Variants in SENP6 observed in about 807,000 individuals in gnomAD.
The protein encoded by SENP6 is sentrin-specific protease 6.
SENP6 carries 41 observed loss-of-function variants against 134.5 expected under a neutral mutation model. That is an observed-to-expected ratio of 0.30 (90% CI 0.24 to 0.40). SENP6 has a LOEUF of 0.40. Ranked by LOEUF, SENP6 falls within the 10% of genes least tolerant of loss-of-function variation. The probability of loss-of-function intolerance (pLI) is 1.00; values close to 1 mark genes in which losing one functional copy is unlikely to be tolerated. For synonymous variants in SENP6, 395 were observed against 429.8 expected, an observed-to-expected ratio of 0.92 and a Z score of 1.00; for missense variants, 1,248 against 1,312.5, an observed-to-expected ratio of 0.95 and a Z score of 0.76.
At chr6:75,664,237 G>A (rs1772014658) in intron 9 of SENP6, among the ~76,000 whole-genome samples, 1 of 151,154 alleles carries the variant, frequency 6.6e-6, no homozygotes, top group Non-Finnish European at 1.5e-5. Context: ...TGTAGCCAGG[G>A]CAATATAGTA....
chr6:75,655,335 A>G (rs1024162994), intron 7 of SENP6: 3 of 152,258 alleles, frequency 2.0e-5, no homozygotes, highest in African/African-American at 7.2e-5. Context: ...AATGAAATAC[A>G]TAAATCTTAA....
intron 16 of SENP6, among the ~76,000 whole-genome samples, chr6:75,684,868 T>C (rs1348051967): frequency 6.6e-6 from 1 of 152,182 alleles, no homozygotes; most frequent in Admixed American, 6.5e-5. Flanking sequence ...TCTTTTTTTG[T>C]TGTGTGTCTC....
intron 1 of SENP6, among the ~76,000 whole-genome samples, chr6:75,616,032 C>G (rs572946542): frequency 1.3e-4 from 20 of 152,276 alleles, no homozygotes; most frequent in Non-Finnish European, 2.6e-4. Context: ...GTTAATCTCT[C>G]TTCTACTATT....
intron 1 of SENP6, among the ~76,000 whole-genome samples, chr6:75,612,133 G>T (rs1030650187): frequency 6.6e-6 from 1 of 152,120 alleles, no homozygotes; most frequent in Non-Finnish European, 1.5e-5. Context: ...GTGGTGGCTT[G>T]TGTGGTTTGG....
At chr6:75,709,081 G>A (rs990735605) in intron 19 of SENP6, among the ~76,000 whole-genome samples, 14 of 151,798 alleles carry the variant, frequency 9.2e-5, no homozygotes, top group African/African-American at 3.1e-4. Flanking sequence ...CCACGTTTTC[G>A]AAATTTTAAT....
At chr6:75,617,503 C>T (rs985396511) in intron 1 of SENP6, among the ~76,000 whole-genome samples, 1 of 151,932 alleles carries the variant, frequency 6.6e-6, no homozygotes, top group Non-Finnish European at 1.5e-5. Flanking sequence ...AACTCCCGAC[C>T]TCAGGTGATC....
At chr6:75,631,709 A>T (rs1196232113) in intron 3 of SENP6, among the ~76,000 whole-genome samples, 1 of 152,250 alleles carries the variant, frequency 6.6e-6, no homozygotes, top group Non-Finnish European at 1.5e-5. Flanking sequence ...GAATATTTGG[A>T]CAGAGTTGAG....
intron 6 of SENP6, chr6:75,646,886 T>A (rs1770492982): frequency 6.6e-6 from 1 of 152,196 alleles, no homozygotes; most frequent in Non-Finnish European, 1.5e-5. Flanking sequence ...ATATTACTTT[T>A]TCTTTTGTTA....
intron 11 of SENP6, among the ~76,000 whole-genome samples, chr6:75,674,438 C>T (rs1160442500): frequency 6.6e-6 from 1 of 152,182 alleles, no homozygotes; most frequent in African/African-American, 2.4e-5. Context: ...TCTCCTGCCT[C>T]AGCCTCCTGA....
intron 7 of SENP6, among the ~76,000 whole-genome samples, chr6:75,652,753 T>A (rs1172670368): frequency 2.1e-5 from 3 of 144,962 alleles, no homozygotes; most frequent in Non-Finnish European, 3.0e-5. Flanking sequence ...CCCAACACAG[T>A]ATTATTTGAG....
intron 18 of SENP6, among the ~76,000 whole-genome samples, chr6:75,701,631 A>ACCTT (rs1775033367): frequency 2.0e-5 from 2 of 99,468 alleles, no homozygotes; most frequent in Admixed American, 2.6e-4. Flanking sequence ...AGACAGTTTA[A>ACCTT]TCTTTTTTTT....
At chr6:75,686,446 C>T (rs1419138564) in intron 16 of SENP6, among the ~76,000 whole-genome samples, 1 of 152,022 alleles carries the variant, frequency 6.6e-6, no homozygotes, top group Non-Finnish European at 1.5e-5. Context: ...TTATGATGTT[C>T]GCTGGTTATT....
Position 75,666,847 on chromosome 6 carries a change from A to G in SENP6, c.1130A>G (p.Asn377Ser), listed in dbSNP as rs1772282002. ...AAAGTAGAAGCAGCGCTAAATGAAA[A>G]TACTTGCAGAGCAGAGCGTGAACTA... ...TGKVEAALNE[N>S]TCRAERELRS... is the part of the protein sequence containing the mutation. Residue 377 changes from asparagine (N) to serine (S), a missense_variant, in exon 10 of 24, where the codon AAT becomes AGT. Around this residue, in one of 3 missense-constraint regions of SENP6, gnomAD observed 733 missense variants for 725.4 expected, o/e 1.01. Transcript: ENST00000447266. 1 of 1,613,856 alleles carries G rather than the reference A, an allele frequency of 6.2e-7. No individual in the cohort carries two copies. Among genetic ancestry groups the G allele is most frequent in the Non-Finnish European group, 8.5e-7 (1 of 1,179,752 alleles).
intron 10 of SENP6, among the ~76,000 whole-genome samples, chr6:75,668,116 A>T (rs1772388053): frequency 6.6e-6 from 1 of 152,164 alleles, no homozygotes; most frequent in South Asian, 2.1e-4. Flanking sequence ...AATCATAAGG[A>T]TAATAGAAAA....
intron 6 of SENP6, among the ~76,000 whole-genome samples, chr6:75,645,062 T>G (rs1770326781): frequency 6.6e-6 from 1 of 152,240 alleles, no homozygotes; most frequent in Non-Finnish European, 1.5e-5. Flanking sequence ...GCTCTCTAGT[T>G]CATTTTAAAC....
intron 1 of SENP6, among the ~76,000 whole-genome samples, chr6:75,603,657 G>A (rs759623597): frequency 1.3e-5 from 2 of 152,150 alleles, no homozygotes; most frequent in East Asian, 3.9e-4. Context: ...AGGTTCTATA[G>A]GAGGGTGTTG....
At chr6:75,657,743 G>C (rs997046552) in intron 7 of SENP6, among the ~76,000 whole-genome samples, 1 of 152,182 alleles carries the variant, frequency 6.6e-6, no homozygotes, top group African/African-American at 2.4e-5. Flanking sequence ...AATAAAATGA[G>C]AGCTGTGAAA....
chr6:75,690,795 A>T (rs1287839652), intron 16 of SENP6, among the ~76,000 whole-genome samples: 3 of 151,552 alleles, frequency 2.0e-5, no homozygotes, highest in African/African-American at 7.3e-5. Flanking sequence ...TCACGGGTTC[A>T]TGCCATTCTC....
chr6:75,683,652 G>A (rs1773619138), intron 16 of SENP6, among the ~76,000 whole-genome samples: 1 of 150,838 alleles, frequency 6.6e-6, no homozygotes, highest in Admixed American at 6.6e-5. Flanking sequence ...ATTAAATAGG[G>A]AATCCTTTCC....
Sources: gnomAD v4.1 joint callset for allele counts (sites outside exome capture counted in the v4.1 genomes callset) on GRCh38, gnomAD v4.1.1 for gene constraint, gnomAD v4.1.1 regional missense constraint, MANE v1.5 for transcripts, NCBI Gene and HGNC (gene_info 2026-07-23, HGNC 2026-07-21) for gene names.